MEOX2: variants seen among roughly 807,000 people sequenced by gnomAD.
The protein encoded by MEOX2 is homeobox protein MOX-2.
A neutral mutation model predicts 27.0 loss-of-function variants in MEOX2; 11 were observed. The observed-to-expected ratio is 0.41, with a 90% CI of 0.26 to 0.68. The LOEUF is 0.68. Ranked by LOEUF, MEOX2 falls within the 30% of genes least tolerant of loss-of-function variation. The pLI is 0.33. For missense variants in MEOX2, 436 were observed against 385.4 expected (o/e 1.13, Z -1.10); for synonymous variants, 189 against 155.4 (o/e 1.22, Z -1.61).
intron 1 of MEOX2, among the ~76,000 whole-genome samples, chr7:15,674,368 C>A (rs1219053959): frequency 6.6e-6 from 1 of 152,006 alleles, no homozygotes; most frequent in Non-Finnish European, 1.5e-5. Flanking sequence ...TGCAAGAGAC[C>A]TGAAAGTAGG....
intron 1 of MEOX2, among the ~76,000 whole-genome samples, chr7:15,628,438 TCA>T (rs1413945672): frequency 1.3e-5 from 2 of 152,102 alleles, no homozygotes; most frequent in Non-Finnish European, 2.9e-5. Flanking sequence ...CTCTGATGGA[TCA>T]CAGACTGTTT....
chr7:15,644,714 C>G (rs2115372977), intron 1 of MEOX2, among the ~76,000 whole-genome samples: 1 of 152,276 alleles, frequency 6.6e-6, no homozygotes, highest in East Asian at 1.9e-4. Context: ...TTTCTATTGT[C>G]AATTACTTAT....
Position 15,632,827 on chromosome 7 carries a change from C to G in MEOX2, c.518-5909G>C, listed in dbSNP as rs545708599. 6.6e-4 allele frequency among the ~76,000 whole-genome samples: 100 copies of G among 152,022 alleles called. 1 individual carries two copies. Among genetic ancestry groups the G allele is most frequent in the African/African-American group, 2.3e-3 (96 of 41,510 alleles). The stretch of plus-strand genomic sequence containing the variant: ...AGAGCCCAGAATTGACTTTATGGCT[C>G]TTGCTATAGTCCAGAGAGAAAACAT... On this transcript the variant is annotated intron_variant, in intron 1 of 2. Coordinates refer to ENST00000262041, the MANE Select transcript of MEOX2 (RefSeq NM_005924.5).
intron 1 of MEOX2, among the ~76,000 whole-genome samples, chr7:15,669,220 T>C (rs1782058714): frequency 6.6e-6 from 1 of 152,256 alleles, no homozygotes; most frequent in East Asian, 1.9e-4. Flanking sequence ...ATACCGCCAG[T>C]AAAACTTTAC....
intron 1 of MEOX2, among the ~76,000 whole-genome samples, chr7:15,638,998 C>A (rs765714911): frequency 6.6e-6 from 1 of 152,030 alleles, no homozygotes; most frequent in Non-Finnish European, 1.5e-5. Flanking sequence ...GGTAGATACC[C>A]GGTAGTGGAA....
At chr7:15,622,559 A>G (rs1005061381) in intron 2 of MEOX2, among the ~76,000 whole-genome samples, 3 of 152,194 alleles carry the variant, frequency 2.0e-5, no homozygotes, top group Non-Finnish European at 2.9e-5. Context: ...TTATTTTAAC[A>G]TATGAAAAAA....
intron 1 of MEOX2, among the ~76,000 whole-genome samples, chr7:15,666,553 A>G (rs1413954982): frequency 6.6e-6 from 1 of 151,608 alleles, no homozygotes; most frequent in Non-Finnish European, 1.5e-5. Context: ...GGAGTTCATG[A>G]CCAGCCTGGG....
intron 1 of MEOX2, among the ~76,000 whole-genome samples, chr7:15,672,454 A>C (rs922205589): frequency 3.9e-5 from 6 of 152,378 alleles, no homozygotes; most frequent in African/African-American, 1.4e-4. Context: ...ATTCTTAAAA[A>C]TATAGACATC....
chr7:15,679,972 AC>A (rs1347706976), intron 1 of MEOX2: 4 of 151,874 alleles, frequency 2.6e-5, no homozygotes, highest in African/African-American at 7.2e-5. Flanking sequence ...GTAGTGAGTA[AC>A]ATATATAAAT....
In MEOX2 at chr7:15,659,357, A is replaced by C. The variant is rs1462611450; in HGVS notation, c.517+26529T>G. On this transcript the variant is annotated intron_variant, in intron 1 of 2. Coordinates refer to ENST00000262041, the MANE Select transcript of MEOX2 (RefSeq NM_005924.5). ...AGCACAGGAATTAGTGGTAGTAAAA[A>C]AACAAATGCTTTTGCAGTCGGGTGT... Among the ~76,000 whole-genome samples the C allele has an allele frequency of 2.6e-5, 4 of 152,188 alleles. No homozygotes were observed. In the East Asian group the frequency reaches 5.8e-4, roughly 22 times the overall value.
rs1433164382 is a variant in MEOX2 at position 15,612,389 on chromosome 7, A to G, written c.913T>C (p.Ter305ArgextTer15). Reference protein sequence around the residue: ...SDHSSEHAHL* With the variant: ...SDHSSEHAHLR ...ATGGAGCTGGTCCTCTGTTTATATC[A>G]TAAGTGCGCATGCTCTGAGCTGTGG... is the stretch of plus-strand genomic sequence containing the variant. Residue 305 changes from the stop codon to arginine, a stop_lost, in exon 3 of 3, where the codon TGA becomes CGA. Transcript: ENST00000262041. 4 of 1,613,116 alleles carry G rather than the reference A, an allele frequency of 2.5e-6. No individual in the cohort carries two copies. The highest frequency in any genetic ancestry group is 1.7e-4 in the Middle Eastern group (1 of 5,958).
At chr7:15,664,245 T>A (rs1235245284) in intron 1 of MEOX2, among the ~76,000 whole-genome samples, 2 of 152,240 alleles carry the variant, frequency 1.3e-5, no homozygotes, top group African/African-American at 4.8e-5. Flanking sequence ...GATATGCTTT[T>A]GGTCTTCCTC....
chr7:15,662,407 A>G (rs564477958), intron 1 of MEOX2, among the ~76,000 whole-genome samples: 8 of 152,138 alleles, frequency 5.3e-5, no homozygotes, highest in African/African-American at 1.9e-4. Context: ...TAATTTTAAA[A>G]ATCTGTATAC....
chr7:15,626,158 A>G (rs1214453198), intron 2 of MEOX2, among the ~76,000 whole-genome samples: 1 of 152,166 alleles, frequency 6.6e-6, no homozygotes, highest in African/African-American at 2.4e-5. Flanking sequence ...AGGTCAGTGC[A>G]TAAACTTCCA....
chr7:15,629,048 C>T (rs1781359393), intron 1 of MEOX2, among the ~76,000 whole-genome samples: 1 of 152,024 alleles, frequency 6.6e-6, no homozygotes, highest in African/African-American at 2.4e-5. Flanking sequence ...ACTCTGGAAA[C>T]TGACAGTAAA....
chr7:15,623,161 T>A (rs1357178984), intron 2 of MEOX2, among the ~76,000 whole-genome samples: 1 of 152,198 alleles, frequency 6.6e-6, no homozygotes, highest in East Asian at 1.9e-4. Flanking sequence ...GTAATTCTGT[T>A]AATAACTTTA....
rs1170929765 is a variant in MEOX2 at position 15,612,550 on chromosome 7, C to T, written c.752G>A (p.Gly251Glu). The T allele has an allele frequency of 1.2e-6, 2 of 1,614,044 alleles. No individual in the cohort carries two copies. Among genetic ancestry groups the T allele is most frequent in the Non-Finnish European group, 1.7e-6 (2 of 1,180,052 alleles). The change falls in exon 3 of 3, where the codon GGA becomes GAA. Residue 251 changes from glycine (G) to glutamate (E), a missense_variant. Physicochemically the swap from Gly to Glu is moderately conservative, Grantham distance 98. Transcript: ENST00000262041. Reference sequence around the variant, plus strand: ...CAGTTCCTTTTCCCGAGCCGCAGCTCCTTGCTGTCCACCCTTTACCCTCTT... The same window carrying T: ...CAGTTCCTTTTCCCGAGCCGCAGCTTCTTGCTGTCCACCCTTTACCCTCTT... ...KWKRVKGGQQGAAAREKELVN... is the reference protein window; with the variant it reads ...KWKRVKGGQQEAAAREKELVN...
intron 1 of MEOX2, among the ~76,000 whole-genome samples, chr7:15,671,670 A>G (rs1243856816): frequency 6.6e-6 from 1 of 152,216 alleles, no homozygotes; most frequent in African/African-American, 2.4e-5. Flanking sequence ...GTCATACTCA[A>G]ATCAGAGTGA....
chr7:15,642,848 T>A (rs1347490604), intron 1 of MEOX2, among the ~76,000 whole-genome samples: 2 of 152,130 alleles, frequency 1.3e-5, no homozygotes, highest in Non-Finnish European at 2.9e-5. Flanking sequence ...CTTTGTGCTT[T>A]TAGGGGGCCA....
Sources: gnomAD v4.1 joint callset for allele counts (sites outside exome capture counted in the v4.1 genomes callset) on GRCh38, gnomAD v4.1.1 for gene constraint, MANE v1.5 for transcripts, NCBI Gene and HGNC (gene_info 2026-07-23, HGNC 2026-07-21) for gene names.